The following TEX15 variants were observed in gnomAD, a reference collection of about 807,000 sequenced individuals.
TEX15 encodes the protein testis expressed 15, meiosis and synapsis associated.
Under a neutral mutation model 237.3 loss-of-function variants are expected in TEX15, and 171 were observed. That is an observed-to-expected ratio of 0.72 (90% CI 0.64 to 0.82). The LOEUF is 0.82. Ranked by LOEUF, TEX15 falls within the 40% of genes least tolerant of loss-of-function variation. TEX15 has a pLI of 0.00. For missense variants in TEX15, 3,750 were observed against 3,646.5 expected, an observed-to-expected ratio of 1.03 and a Z score of -0.73; for synonymous variants, 1,338 against 1,269.8, an observed-to-expected ratio of 1.05 and a Z score of -1.14.
Position 30,846,254 on chromosome 8 carries a change from G to A in TEX15, c.3913C>T (p.His1305Tyr). The stretch of plus-strand genomic sequence containing the variant: ...ATGTTCTGATCCCTGGAAGATATAT[G>A]TAGCTTCCTTTTGCTAATTCTTGAT... Reference protein sequence around the residue: ...VESRISKRKLHISSRDQNIPH... With the variant: ...VESRISKRKLYISSRDQNIPH... Residue 1305 changes from histidine to tyrosine, a missense_variant, in exon 8 of 11, where the codon CAT becomes TAT. Coordinates refer to ENST00000643185, the MANE Select transcript of TEX15 (RefSeq NM_001350162.2). 2 of 1,613,458 alleles carry A rather than the reference G, an allele frequency of 1.2e-6. No individual in the cohort carries two copies. The highest frequency in any genetic ancestry group is 1.7e-5 in the Admixed American group (1 of 60,004).
Position 30,848,680 on chromosome 8 carries a change from G to A in TEX15, c.1487C>T (p.Thr496Ile). ...ATTAACAGAAGTTTTAAAGCAAGGG[G>A]TATCCAAACCATTAGTAAGAACAGC... ...DCAVLTNGLD[T>I]PCFKTSVNDS... Residue 496 changes from threonine (T) to isoleucine (I), a missense_variant, in exon 8 of 11, where the codon ACC (threonine) becomes ATC (isoleucine). Thr to Ile is a moderately conservative substitution (Grantham distance 89). Transcript: ENST00000643185. 2 of 1,614,170 alleles carry A rather than the reference G, an allele frequency of 1.2e-6. No homozygotes were observed. The highest frequency in any genetic ancestry group is 1.7e-6 in the Non-Finnish European group (2 of 1,180,032).
chr8:30,884,377 T>C (rs543639881), intron 3 of TEX15, among the ~76,000 whole-genome samples: 1 of 152,336 alleles, frequency 6.6e-6, no homozygotes, highest in East Asian at 1.9e-4. Context: ...TTCCTTCTAC[T>C]TGTATCTTCT....
Position 30,904,797 on chromosome 8 carries a change from T to C in TEX15, c.-85-5980A>G, listed in dbSNP as rs556324110. Among the ~76,000 whole-genome samples the C allele has an allele frequency of 2.0e-4, 30 of 152,326 alleles. No homozygotes were observed. In the East Asian group the frequency reaches 5.6e-3, roughly 28 times the overall value. ...CAGCTTTATTTTCCACATTTTAGTA[T>C]GAAAAACATAGCTGCTGACCATTAT... is the stretch of plus-strand genomic sequence containing the variant. On this transcript the variant is annotated intron_variant, in intron 1 of 10. Transcript: ENST00000643185.
At chr8:30,833,845 T>TTTCTTTTATTTTATTCTTA (rs1415374980) in intron 10 of TEX15, among the ~76,000 whole-genome samples, 3 of 152,102 alleles carry the variant, frequency 2.0e-5, no homozygotes, top group Non-Finnish European at 4.4e-5. Context: ...ATTATTTCTT[T>TTTCTTTTATTTTATTCTTA]TTCTTTTATT....
At position 30,842,391 on chromosome 8, in the gene TEX15, A is replaced by G. The variant is rs779832296; in HGVS notation, c.7776T>C (p.Ser2592=). The G allele has an allele frequency of 1.2e-6, 2 of 1,613,784 alleles. No individual in the cohort carries two copies. The highest frequency in any genetic ancestry group is 4.5e-5 in the East Asian group (2 of 44,834). The change falls in exon 8 of 11, where the codon TCT becomes TCC. Residue 2592 remains serine (S), a synonymous_variant. Coordinates refer to ENST00000643185, the MANE Select transcript of TEX15 (RefSeq NM_001350162.2). ...TELEYNYNQF[S]TLLKNVMSAP... is the part of the protein sequence containing the mutation. ...CAGACATTACATTCTTCAGCAGTGTAGAAAATTGATTGTAGTTGTATTCTA... is the reference window on the plus strand; with the variant it reads ...CAGACATTACATTCTTCAGCAGTGTGGAAAATTGATTGTAGTTGTATTCTA...
chr8:30,894,311 A>C (rs1175606317), intron 2 of TEX15, among the ~76,000 whole-genome samples: 1 of 152,088 alleles, frequency 6.6e-6, no homozygotes, highest in Non-Finnish European at 1.5e-5. Context: ...ATGTAGCAAG[A>C]AAAAAAATTC....
rs1318281223 is a variant in TEX15, at chr8:30,848,561, C to T, written c.1606G>A (p.Gly536Ser). The T allele has an allele frequency of 6.2e-7, 1 of 1,614,064 alleles. No individual in the cohort carries two copies. The highest frequency in any genetic ancestry group is 1.1e-5 in the South Asian group (1 of 91,074). Residue 536 changes from glycine to serine, a missense_variant, in exon 8 of 11, where the codon GGT becomes AGT. Physicochemically the swap from Gly to Ser is moderately conservative, Grantham distance 56 (BLOSUM62 0). Transcript: ENST00000643185. ...ACAGAAATTGGGAAGGAAAAATTAC[C>T]TTGGTCCTTACATTGCCCTGCCATG... ...VTMAGQCKDQ[G>S]NFSFPISVSN...
chr8:30,889,376 C>T (rs915155891), intron 2 of TEX15, among the ~76,000 whole-genome samples: 3 of 152,030 alleles, frequency 2.0e-5, no homozygotes, highest in East Asian at 3.8e-4. Context: ...CACTTGAACC[C>T]GGGAGGTGGA....
intron 3 of TEX15, among the ~76,000 whole-genome samples, chr8:30,878,759 C>T (rs988581601): frequency 1.7e-4 from 26 of 152,114 alleles, no homozygotes; most frequent in Non-Finnish European, 2.9e-4. Context: ...TCCTGGGCTC[C>T]AGCAATCCTC....
rs753887973 is a variant in TEX15, at chr8:30,844,170, A to T, written c.5997T>A (p.Asn1999Lys). ...CSANHTALIANLSQILQRADE... is the reference protein window; with the variant it reads ...CSANHTALIAKLSQILQRADE... ...CTGCCCTCTGCAAAATTTGAGATAGATTAGCTATAAGGGCCGTATGATTAG... is the reference window on the plus strand; with the variant it reads ...CTGCCCTCTGCAAAATTTGAGATAGTTTAGCTATAAGGGCCGTATGATTAG... The change falls in exon 8 of 11, where the codon AAT becomes AAA. Residue 1999 changes from asparagine to lysine, a missense_variant. By Grantham distance (94) the Asn-to-Lys change is moderately conservative. Coordinates refer to ENST00000643185, the MANE Select transcript of TEX15 (RefSeq NM_001350162.2). The T allele has an allele frequency of 8.7e-6, 14 of 1,612,880 alleles. No individual in the cohort carries two copies. Among genetic ancestry groups the T allele is most frequent in the African/African-American group, 1.3e-5 (1 of 74,860 alleles).
At position 30,837,592 on chromosome 8, in the gene TEX15, T is replaced by C. The variant is rs1437413246; in HGVS notation, c.8692A>G (p.Ile2898Val). 4 of 1,613,946 alleles carry C rather than the reference T, an allele frequency of 2.5e-6. No homozygotes were observed. Among genetic ancestry groups the C allele is most frequent in the African/African-American group, 2.7e-5 (2 of 74,906 alleles). Residue 2898 changes from isoleucine (I) to valine (V), a missense_variant, in exon 10 of 11, where the codon ATT becomes GTT. Transcript: ENST00000643185. ...VPDASVLSKPIFCFVKDVHPD... is the reference protein window; with the variant it reads ...VPDASVLSKPVFCFVKDVHPD... ...TGGACATCTTTCACAAAACAGAAAA[T>C]TGGCTTTGAGAGCACCGACGCATCA...
intron 5 of TEX15, 82 bp downstream of exon 5, chr8:30,867,183 A>G (rs1808191002): frequency 1.9e-6 from 1 of 536,814 alleles, no homozygotes; most frequent in African/African-American, 1.9e-5. Flanking sequence ...AAACATTAAC[A>G]ATTTATATCG....
intron 5 of TEX15, among the ~76,000 whole-genome samples, chr8:30,866,106 CAACA>C (rs1235225718): frequency 6.6e-6 from 1 of 151,952 alleles, no homozygotes; most frequent in East Asian, 1.9e-4. Flanking sequence ...GATACAAAAT[CAACA>C]AACACTCATC....
At chr8:30,834,988 C>A (rs945220199) in intron 10 of TEX15, among the ~76,000 whole-genome samples, 1 of 152,128 alleles carries the variant, frequency 6.6e-6, no homozygotes, top group African/African-American at 2.4e-5. Flanking sequence ...AAAAGAAATT[C>A]TCTGGGCCTG....
At chr8:30,862,193 G>A (rs1369004239) in intron 5 of TEX15, among the ~76,000 whole-genome samples, 5 of 152,094 alleles carry the variant, frequency 3.3e-5, no homozygotes, top group South Asian at 2.1e-4. Flanking sequence ...AGAATCATTC[G>A]TGTGTGTAAA....
chr8:30,837,929 C>G lies in TEX15; in HGVS notation c.8355G>C (p.Glu2785Asp). The G allele has an allele frequency of 1.9e-6, 3 of 1,614,112 alleles. No individual in the cohort carries two copies. The highest frequency in any genetic ancestry group is 2.5e-6 in the Non-Finnish European group (3 of 1,180,012). Residue 2785 changes from glutamate (E) to aspartate (D), a missense_variant, in exon 10 of 11, where the codon GAG becomes GAC. Transcript: ENST00000643185. ...TTGATGCGCAAGTGTCTTTTGGGTT[C>G]TCTAAGGGTAAAAGTGAGCCAGGTA... The part of the protein sequence containing the change: ...RSLPGSLLPL[E>D]NPKDTCASKS...
At chr8:30,868,534 C>A (rs909465996) in intron 4 of TEX15, among the ~76,000 whole-genome samples, 4 of 151,926 alleles carry the variant, frequency 2.6e-5, no homozygotes, top group African/African-American at 9.7e-5. Context: ...TGAAGTATAC[C>A]ATGCACATAA....
rs778574570 is a variant in TEX15 at position 30,842,796 on chromosome 8, A to G, written c.7371T>C (p.Phe2457=). The G allele has an allele frequency of 6.2e-7, 1 of 1,613,324 alleles. No individual in the cohort carries two copies. Among genetic ancestry groups the G allele is most frequent in the South Asian group, 1.1e-5 (1 of 90,996 alleles). Residue 2457 remains phenylalanine, a synonymous_variant, in exon 8 of 11, where the codon TTT becomes TTC. Transcript: ENST00000643185. ...GTTTCTTTGCTATTGAGTTTTTAAG[A>G]AAGTGAATTGTTTCTGAGACCATGA... is the stretch of plus-strand genomic sequence containing the variant. The part of the protein sequence containing the change: ...EIVMVSETIH[F]LKNSIAKKLD...
At chr8:30,859,177 G>A (rs982307816) in intron 6 of TEX15, among the ~76,000 whole-genome samples, 7 of 151,884 alleles carry the variant, frequency 4.6e-5, no homozygotes, top group African/African-American at 1.7e-4. Context: ...TGTTTTACAT[G>A]TGGGTGCATG....
Sources: gnomAD v4.1 joint callset for allele counts (sites outside exome capture counted in the v4.1 genomes callset) on GRCh38, gnomAD v4.1.1 for gene constraint, MANE v1.5 for transcripts, NCBI Gene and HGNC (gene_info 2026-07-23, HGNC 2026-07-21) for gene names.